Variants in SEC24B observed in about 807,000 individuals in gnomAD.
SEC24B encodes protein transport protein Sec24B.
A neutral mutation model predicts 142.8 loss-of-function variants in SEC24B; 45 were observed. The ratio of observed to expected loss-of-function variants is 0.32; its 90% CI spans 0.25 to 0.40. The LOEUF is 0.40. Among genes scored for constraint, SEC24B ranks in the 10% least tolerant of loss-of-function variants. The probability of loss-of-function intolerance (pLI) is 1.00; values close to 1 mark genes in which losing one functional copy is unlikely to be tolerated. For missense variants in SEC24B, 1,409 were observed against 1,526.8 expected, an observed-to-expected ratio of 0.92 and a Z score of 1.29; for synonymous variants, 574 against 568.2, an observed-to-expected ratio of 1.01 and a Z score of -0.15.
intron 6 of SEC24B, among the ~76,000 whole-genome samples, chr4:109,503,292 C>T (rs13132816): frequency 0.091 from 13,647 of 149,318 alleles, 695 homozygotes; most frequent in Middle Eastern, 0.18. Flanking sequence ...GGCTCGATCT[C>T]GGCTCACTGC....
At chr4:109,448,316 G>A (rs1729676516) in intron 1 of SEC24B, among the ~76,000 whole-genome samples, 2 of 151,976 alleles carry the variant, frequency 1.3e-5, no homozygotes, top group African/African-American at 2.4e-5. Flanking sequence ...TATCAGATCT[G>A]CTTTTTAGGA....
In SEC24B at chr4:109,527,507, G is replaced by A. The variant is rs548643463; in HGVS notation, c.3076+75G>A. The A allele has an allele frequency of 2.7e-4, 282 of 1,059,914 alleles. No homozygotes were observed. The African/African-American group carries it at 3.1e-3, about 12-fold the overall frequency. The allele number at this position is 1,059,914 out of a possible 1,614,324, so 65.7% of individuals were successfully genotyped here. On this transcript the variant is annotated intron_variant, in intron 18 of 23. Coordinates refer to ENST00000265175, the MANE Select transcript of SEC24B (RefSeq NM_006323.5). ...ACTGAAGCTTGGCTGGTGGCAGTGC[G>A]TCCGCCTGTAATCCCAGCATTTTGG...
At chr4:109,537,624 G>A (rs1156324491) in intron 22 of SEC24B, among the ~76,000 whole-genome samples, 1 of 152,138 alleles carries the variant, frequency 6.6e-6, no homozygotes, top group African/African-American at 2.4e-5. Flanking sequence ...TTGCACTCCA[G>A]TCTGGGCAAC....
chr4:109,511,438 A>T (rs1737322744), intron 8 of SEC24B, among the ~76,000 whole-genome samples: 1 of 152,236 alleles, frequency 6.6e-6, no homozygotes, highest in African/African-American at 2.4e-5. Context: ...ATAGAATAAT[A>T]TGTGATCTCT....
chr4:109,446,347 T>TA (rs1369640446), intron 1 of SEC24B, among the ~76,000 whole-genome samples: 5 of 152,216 alleles, frequency 3.3e-5, no homozygotes, highest in Non-Finnish European at 7.3e-5. Flanking sequence ...AGCCAAGGAA[T>TA]ACCAGTGGCC....
In SEC24B at chr4:109,470,431, T is replaced by C. The variant is rs184036790; in HGVS notation, c.878-2573T>C. Among the ~76,000 whole-genome samples, 137 of 152,326 alleles carry C rather than the reference T, an allele frequency of 9.0e-4. No homozygotes were observed. The Middle Eastern group carries it at 0.024, about 26-fold the overall frequency. ...GAGGGCCATAAAGCACCACTTCTTTTAGATGGATGCCTCTATGGCAAATGA... is the reference window on the plus strand; with the variant it reads ...GAGGGCCATAAAGCACCACTTCTTTCAGATGGATGCCTCTATGGCAAATGA... On this transcript the variant is annotated intron_variant, in intron 2 of 23. Coordinates refer to ENST00000265175, the MANE Select transcript of SEC24B (RefSeq NM_006323.5).
At chr4:109,532,422 T>A (rs1171786071) in intron 20 of SEC24B, among the ~76,000 whole-genome samples, 1 of 152,122 alleles carries the variant, frequency 6.6e-6, no homozygotes, top group African/African-American at 2.4e-5. Context: ...ATGTGACAGA[T>A]CATTTTATGT....
chr4:109,504,812 A>G (rs1273509002), intron 6 of SEC24B, among the ~76,000 whole-genome samples: 8 of 152,040 alleles, frequency 5.3e-5, no homozygotes, highest in Non-Finnish European at 1.0e-4. Context: ...TGAATCATTT[A>G]TTTCAGTATG....
At chr4:109,487,165 CAAAA>C (rs372133489) in intron 4 of SEC24B, among the ~76,000 whole-genome samples, 1 of 54,198 alleles carries the variant, frequency 1.8e-5, no homozygotes. Context: ...GACTCTGTCT[CAAAA>C]AAAAAAAAAA....
chr4:109,486,533 T>G (rs1040554448), intron 4 of SEC24B, among the ~76,000 whole-genome samples: 1 of 152,206 alleles, frequency 6.6e-6, no homozygotes, highest in Admixed American at 6.5e-5. Flanking sequence ...TCTCTTTTTC[T>G]CTTTCCTTTT....
chr4:109,502,614 G>A lies in SEC24B; in HGVS notation c.1489-3714G>A, dbSNP rs182471365. 1.7e-3 allele frequency among the ~76,000 whole-genome samples: 253 copies of A among 152,274 alleles called. 1 individual carries two copies. The highest frequency in any genetic ancestry group is 3.0e-3 in the Non-Finnish European group (202 of 68,012). On this transcript the variant is annotated intron_variant, in intron 6 of 23. Transcript: ENST00000265175. ...GTTTTTGGCATAACACCTGGGTAGA[G>A]GTTAGCGTATTTACTAAGATAATGA...
intron 3 of SEC24B, among the ~76,000 whole-genome samples, chr4:109,475,836 T>G (rs1395321517): frequency 6.6e-6 from 1 of 152,196 alleles, no homozygotes; most frequent in Non-Finnish European, 1.5e-5. Context: ...ATGCTTACAC[T>G]AGAAACTCTT....
intron 22 of SEC24B, among the ~76,000 whole-genome samples, chr4:109,534,812 C>T (rs1725333214): frequency 6.6e-6 from 1 of 152,116 alleles, no homozygotes; most frequent in African/African-American, 2.4e-5. Context: ...GTAGCTGGGA[C>T]CACAGGAGTA....
chr4:109,517,494 TAGG>T, intron 11 of SEC24B, among the ~76,000 whole-genome samples: 1 of 152,086 alleles, frequency 6.6e-6, no homozygotes, highest in Admixed American at 6.6e-5. Context: ...GTGTAAAAGA[TAGG>T]AGGAATAAGT....
chr4:109,527,071 TAGCTG>T (rs1189166376), intron 17 of SEC24B, among the ~76,000 whole-genome samples: 1 of 151,700 alleles, frequency 6.6e-6, no homozygotes, highest in African/African-American at 2.4e-5. Context: ...ATACAAAAAT[TAGCTG>T]GGTATGGTGG....
chr4:109,509,857 G>A (rs1737136553), intron 7 of SEC24B, 152 bp from the exon 8 acceptor site: 1 of 491,160 alleles, frequency 2.0e-6, no homozygotes, highest in Non-Finnish European at 3.6e-6. Context: ...TTGCATACAT[G>A]CCTAATTAAT....
chr4:109,477,512 G>A (rs1019104111), intron 3 of SEC24B, among the ~76,000 whole-genome samples: 11 of 151,858 alleles, frequency 7.2e-5, no homozygotes, highest in African/African-American at 2.4e-4. Flanking sequence ...TATTTGTAGA[G>A]ATGAGGTCTT....
chr4:109,444,990 C>T lies in SEC24B; in HGVS notation c.133+10988C>T, dbSNP rs139980657. ...ACTCTGTCACCCAAGCTGGAGCGATCACTGCTCACTGCAACCTCGATCTCC... is the reference window on the plus strand; with the variant it reads ...ACTCTGTCACCCAAGCTGGAGCGATTACTGCTCACTGCAACCTCGATCTCC... On this transcript the variant is annotated intron_variant, in intron 1 of 23. Coordinates refer to ENST00000265175, the MANE Select transcript of SEC24B (RefSeq NM_006323.5). Among the ~76,000 whole-genome samples, 295 of 152,090 alleles carry T rather than the reference C, an allele frequency of 1.9e-3. 2 individuals carry two copies. The highest frequency in any genetic ancestry group is 6.6e-3 in the African/African-American group (273 of 41,506).
rs1395895256 is a variant in SEC24B, at chr4:109,512,013, T to C, written c.1833T>C (p.Tyr611=). 6.2e-7 allele frequency: 1 copy of C among 1,613,414 alleles called. No individual in the cohort carries two copies. Among genetic ancestry groups the C allele is most frequent in the Non-Finnish European group, 8.5e-7 (1 of 1,179,362 alleles). Residue 611 remains tyrosine (Y), a synonymous_variant, in exon 9 of 24, where the codon TAT becomes TAC. Coordinates refer to ENST00000265175, the MANE Select transcript of SEC24B (RefSeq NM_006323.5). ...TIVRCRSCRT[Y]INPFVSFIDQ... is the part of the protein sequence containing the mutation. ...TGAGGTGCCGATCCTGTCGAACGTA[T>C]ATTAACCCCTTTGTATCCTTCATTG...
Sources: gnomAD v4.1 joint callset for allele counts (sites outside exome capture counted in the v4.1 genomes callset) on GRCh38, gnomAD v4.1.1 for gene constraint, MANE v1.5 for transcripts, NCBI Gene and HGNC (gene_info 2026-07-23, HGNC 2026-07-21) for gene names.